CAST: variants seen among roughly 807,000 people sequenced by gnomAD.
The protein encoded by CAST is calpastatin, also known as MIR583 host.
A neutral mutation model predicts 119.6 loss-of-function variants in CAST; 76 were observed. That is an observed-to-expected ratio of 0.64 (90% CI 0.53 to 0.77). The LOEUF (loss-of-function observed/expected upper bound fraction) is 0.77, where lower values mean the gene tolerates loss of function less well. Ranked by LOEUF, CAST falls within the 30% of genes least tolerant of loss-of-function variation. The pLI, the probability that CAST is intolerant of heterozygous loss-of-function variation, is 0.00. For missense variants in CAST, 953 were observed against 946.5 expected (o/e 1.01, Z -0.09); for synonymous variants, 319 against 331.6 (o/e 0.96, Z 0.41).
intron 18 of CAST, 100 bp from the exon 19 acceptor site, chr5:96,748,418 T>C: frequency 1.8e-6 from 1 of 541,084 alleles, no homozygotes. Flanking sequence ...AAGTATGGCC[T>C]CATATGTGTT....
Position 96,748,524 on chromosome 5 carries a change from A to C in CAST, c.1339A>C (p.Ser447Arg), listed in dbSNP as rs533401908. The change falls in exon 19 of 32, where the codon AGT (serine) becomes CGT (arginine). Residue 447 changes from serine (S) to arginine (R), a missense_variant. By Grantham distance (110) the Ser-to-Arg change is moderately radical. Transcript: ENST00000675179. The stretch of plus-strand genomic sequence containing the variant: ...AGCACTTCTTATATTACAGCCTCGG[A>C]GTGAATCAGAACTCATTGATGAACT... ...PEPEEKPKPR[S>R]ESELIDELSE... The C allele has an allele frequency of 1.4e-5, 21 of 1,519,634 alleles. No homozygotes were observed. The South Asian group carries it at 2.2e-4, about 16-fold the overall frequency. 94.1% of individuals were successfully genotyped at this position (1,519,634 alleles called of 1,614,324 possible).
the CAST span, among the ~76,000 whole-genome samples, chr5:95,977,624 T>C: frequency 6.6e-6 from 1 of 152,214 alleles, no homozygotes; most frequent in South Asian, 2.1e-4. Flanking sequence ...GATTCTTCCA[T>C]GATTATAAGA....
chr5:96,237,528 G>T, the CAST span, among the ~76,000 whole-genome samples: 48 of 152,016 alleles, frequency 3.2e-4, no homozygotes, highest in African/African-American at 1.1e-3. Flanking sequence ...TACTTGGAAA[G>T]TTTCTATAAT....
chr5:96,696,773 T>C (rs1753349425), intron 3 of CAST, among the ~76,000 whole-genome samples: 1 of 151,734 alleles, frequency 6.6e-6, no homozygotes, highest in African/African-American at 2.4e-5. Context: ...GGAGGATCAC[T>C]TAAGTCTGGG....
At chr5:96,173,935 G>A in the CAST span, among the ~76,000 whole-genome samples, 12 of 151,880 alleles carry the variant, frequency 7.9e-5, no homozygotes, top group Non-Finnish European at 1.3e-4. Flanking sequence ...GTAGACACGG[G>A]GTTTTCCCGT....
intron 1 of CAST, among the ~76,000 whole-genome samples, chr5:96,594,467 C>T (rs1172237036): frequency 1.3e-5 from 2 of 152,144 alleles, no homozygotes; most frequent in African/African-American, 2.4e-5. Flanking sequence ...GATGATTCTG[C>T]GTGAGTTTAA....
At chr5:96,738,731 A>G (rs151936) in intron 11 of CAST, among the ~76,000 whole-genome samples, 51,694 of 151,852 alleles carry the variant, frequency 0.34, 9,037 homozygotes, top group Admixed American at 0.41. Context: ...TCAGGAGTTC[A>G]AGACCAGCCT....
At chr5:96,602,213 C>T (rs1580841580) in intron 1 of CAST, among the ~76,000 whole-genome samples, 1 of 152,338 alleles carries the variant, frequency 6.6e-6, no homozygotes, top group South Asian at 2.1e-4. Context: ...TATGACATGA[C>T]AAGTGTACAT....
the CAST span, among the ~76,000 whole-genome samples, chr5:96,395,262 T>C: frequency 1.3e-5 from 2 of 152,374 alleles, no homozygotes; most frequent in African/African-American, 2.4e-5. Context: ...GAAATCTCTA[T>C]GTAAGTCTTC....
chr5:96,495,925 T>C, the CAST span, among the ~76,000 whole-genome samples: 5 of 152,238 alleles, frequency 3.3e-5, no homozygotes, highest in Admixed American at 2.6e-4. Context: ...GTATTTTCAA[T>C]GTCCTTTAAT....
At chr5:96,074,348 G>A in the CAST span, among the ~76,000 whole-genome samples, 1 of 152,178 alleles carries the variant, frequency 6.6e-6, no homozygotes, top group African/African-American at 2.4e-5. Flanking sequence ...GAGGTAATTA[G>A]GTTTAGATGA....
the CAST span, among the ~76,000 whole-genome samples, chr5:96,266,428 A>AG: frequency 2.6e-5 from 4 of 152,168 alleles, no homozygotes; most frequent in Non-Finnish European, 5.9e-5. Context: ...ATAAAGGCAA[A>AG]GGGGAGGGGG....
chr5:96,694,192 T>C (rs1345724544), intron 2 of CAST, among the ~76,000 whole-genome samples: 1 of 152,258 alleles, frequency 6.6e-6, no homozygotes, highest in Non-Finnish European at 1.5e-5. Context: ...TTCTCAATTA[T>C]ACATATAAAA....
the CAST span, among the ~76,000 whole-genome samples, chr5:96,339,849 A>G: frequency 6.6e-6 from 1 of 152,054 alleles, no homozygotes; most frequent in Non-Finnish European, 1.5e-5. Context: ...TAGTAAACTG[A>G]GTGTGGCTAT....
intron 1 of CAST, among the ~76,000 whole-genome samples, chr5:96,666,204 T>A (rs1482166646): frequency 1.3e-5 from 2 of 151,930 alleles, no homozygotes; most frequent in Admixed American, 1.3e-4. Context: ...TATTTCCACA[T>A]TGAATGCCAT....
Position 96,742,638 on chromosome 5 carries a change from T to C in CAST, c.1099-17T>C. The C allele has an allele frequency of 1.3e-6, 2 of 1,555,772 alleles. No individual in the cohort carries two copies. Among genetic ancestry groups the C allele is most frequent in the Non-Finnish European group, 1.8e-6 (2 of 1,126,918 alleles). On this transcript the variant is annotated splice_polypyrimidine_tract_variant and intron_variant, in intron 15 of 31. Transcript: ENST00000675179. Reference sequence around the variant, plus strand: ...GAGATGTCTTTTTTCATGCACAGGATTTTTTACTTTTAACAGGATACAATG... The same window carrying C: ...GAGATGTCTTTTTTCATGCACAGGACTTTTTACTTTTAACAGGATACAATG...
At chr5:96,025,630 C>T in the CAST span, among the ~76,000 whole-genome samples, 1 of 152,144 alleles carries the variant, frequency 6.6e-6, no homozygotes, top group Non-Finnish European at 1.5e-5. Flanking sequence ...TGGAGGGAGG[C>T]ACACATCAGT....
intron 1 of CAST, among the ~76,000 whole-genome samples, chr5:96,614,632 A>G (rs1419443767): frequency 6.6e-6 from 1 of 152,238 alleles, no homozygotes; most frequent in Non-Finnish European, 1.5e-5. Context: ...AACAGAGTCC[A>G]AAGATTCAGA....
Position 96,774,456 on chromosome 5 carries a change from G to A in CAST, c.*1840G>A. The A allele has an allele frequency of 1.0e-6, 1 of 960,822 alleles. No individual in the cohort carries two copies. Among genetic ancestry groups the A allele is most frequent in the Non-Finnish European group, 1.2e-6 (1 of 805,814 alleles). The allele number at this position is 960,822 out of a possible 1,614,324, so 59.5% of individuals were successfully genotyped here. A position where few individuals can be genotyped will look rare whatever the true frequency, so the allele number is the denominator to read the frequency against. ...GCAGCCCTTTTTACAGTCTAGTTAG[G>A]AGAGAGAAAATAATTGCAAATATCC... On this transcript the variant is annotated 3_prime_UTR_variant, in exon 32 of 32. Transcript: ENST00000675179.
Sources: allele counts gnomAD v4.1 joint callset (sites outside exome capture counted in the v4.1 genomes callset), GRCh38; gene constraint gnomAD v4.1.1; transcripts MANE v1.5; gene names NCBI Gene and HGNC (gene_info 2026-07-23, HGNC 2026-07-21).